The following ADAM12 variants were observed in gnomAD, a reference collection of about 807,000 sequenced individuals.
The protein encoded by ADAM12 is disintegrin and metalloproteinase domain-containing protein 12.
A neutral mutation model predicts 106.4 loss-of-function variants in ADAM12; 70 were observed. The ratio of observed to expected loss-of-function variants is 0.66; its 90% confidence interval spans 0.54 to 0.80. ADAM12 has a LOEUF of 0.80. Ranked by LOEUF, ADAM12 falls within the 30% of genes least tolerant of loss-of-function variation. The probability of loss-of-function intolerance (pLI) is 0.00; values close to 1 mark genes in which losing one functional copy is unlikely to be tolerated. For missense variants in ADAM12, 1,010 were observed against 1,171.9 expected (o/e 0.86, Z 2.02); for synonymous variants, 420 against 433.5 (o/e 0.97, Z 0.39).
intron 19 of ADAM12, 105 bp downstream of exon 19, chr10:126,039,189 C>T (rs1271963585): frequency 3.1e-5 from 43 of 1,371,462 alleles, no homozygotes; most frequent in Middle Eastern, 1.9e-4. Context: ...CCTCGTGATC[C>T]GCCCGCCTCA....
intron 4 of ADAM12, among the ~76,000 whole-genome samples, chr10:126,143,070 T>C (rs1165942822): frequency 2.0e-5 from 3 of 148,084 alleles, no homozygotes; most frequent in African/African-American, 7.4e-5. Context: ...CATGTGCATA[T>C]GTGTGCATGT....
intron 3 of ADAM12, among the ~76,000 whole-genome samples, chr10:126,170,641 C>T (rs866308559): frequency 1.6e-4 from 24 of 152,126 alleles, no homozygotes; most frequent in African/African-American, 4.8e-4. Context: ...AGAAAAGCAC[C>T]GTGTCTGGGA....
At chr10:126,321,695 G>A (rs1016571851) in intron 2 of ADAM12, among the ~76,000 whole-genome samples, 3 of 152,206 alleles carry the variant, frequency 2.0e-5, no homozygotes, top group African/African-American at 7.2e-5. Context: ...GAGAGCGCTG[G>A]CGAGTGCTCA....
At chr10:126,275,623 C>T (rs547352346) in intron 3 of ADAM12, among the ~76,000 whole-genome samples, 1 of 152,280 alleles carries the variant, frequency 6.6e-6, no homozygotes, top group African/African-American at 2.4e-5. Flanking sequence ...TTTTCAATTA[C>T]AGTAAACTTC....
At chr10:126,311,543 G>A (rs1314642190) in intron 2 of ADAM12, among the ~76,000 whole-genome samples, 1 of 152,058 alleles carries the variant, frequency 6.6e-6, no homozygotes, top group Admixed American at 6.6e-5. Flanking sequence ...CTGGATGGGG[G>A]CTGGTCACCA....
In ADAM12 at chr10:126,367,453, G is replaced by A. The variant is rs565451483; in HGVS notation, c.88+20605C>T. On this transcript the variant is annotated intron_variant, in intron 1 of 22. Coordinates refer to ENST00000448723, the MANE Select transcript of ADAM12 (RefSeq NM_001288973.2). ...GGGATATTTGTATTTCCAAATGGCT[G>A]TACTAGAAATTGAGAATGTTATGTT... is the stretch of plus-strand genomic sequence containing the variant. Among the ~76,000 whole-genome samples the A allele has an allele frequency of 4.6e-5, 7 of 151,940 alleles. No homozygotes were observed. In the East Asian group the frequency reaches 1.4e-3, roughly 29 times the overall value.
intron 3 of ADAM12, among the ~76,000 whole-genome samples, chr10:126,214,732 G>C (rs1444733455): frequency 6.6e-6 from 1 of 152,208 alleles, no homozygotes; most frequent in Non-Finnish European, 1.5e-5. Flanking sequence ...TTTGAGAAGA[G>C]TATCTATGAT....
At chr10:126,227,532 C>G (rs1428832204) in intron 3 of ADAM12, among the ~76,000 whole-genome samples, 1 of 152,172 alleles carries the variant, frequency 6.6e-6, no homozygotes, top group Non-Finnish European at 1.5e-5. Context: ...AGGTACGACA[C>G]ACAGGAGCTT....
At position 126,101,139 on chromosome 10, in the gene ADAM12, C is replaced by T; in HGVS notation, c.844G>A (p.Glu282Lys). 1 of 1,614,050 alleles carries T rather than the reference C, an allele frequency of 6.2e-7. No homozygotes were observed. Residue 282 changes from glutamate (E) to lysine (K), a missense_variant, in exon 9 of 23, where the codon GAA becomes AAA. Glu to Lys is a moderately conservative substitution (Grantham distance 56, BLOSUM62 1). Around this residue, in one of 3 missense-constraint regions of ADAM12, gnomAD observed 391 missense variants for 442.9 expected, o/e 0.88. Coordinates refer to ENST00000448723, the MANE Select transcript of ADAM12 (RefSeq NM_001288973.2). The stretch of plus-strand genomic sequence containing the variant: ...TTCATCTTCCTCCAGTCCAGAAATT[C>T]ATGGAGGCTGGTGAATGGGTCCTGA... Reference protein sequence around the residue: ...VSQDPFTSLHEFLDWRKMKLL... With the variant: ...VSQDPFTSLHKFLDWRKMKLL...
chr10:126,237,076 T>C (rs1958432830), intron 3 of ADAM12, among the ~76,000 whole-genome samples: 1 of 152,122 alleles, frequency 6.6e-6, no homozygotes, highest in Non-Finnish European at 1.5e-5. Context: ...TCCCCCCATT[T>C]CCCCAGATGC....
chr10:126,197,029 G>T (rs1345333714), intron 3 of ADAM12, among the ~76,000 whole-genome samples: 1 of 152,210 alleles, frequency 6.6e-6, no homozygotes, highest in Non-Finnish European at 1.5e-5. Flanking sequence ...TTTTGGGTAA[G>T]AGGGAGCTGC....
Position 126,242,819 on chromosome 10 carries a change from T to C in ADAM12, c.260+36096A>G, listed in dbSNP as rs568912291. Among the ~76,000 whole-genome samples the C allele has an allele frequency of 6.6e-5, 10 of 152,236 alleles. 1 individual carries two copies. In the South Asian group the frequency reaches 1.5e-3, roughly 22 times the overall value. Reference sequence around the variant, plus strand: ...TCTGCCTCCCAGCTCTGGGTTCACATGGTGAGACAGAGCTCTTGCTGGCTC... The same window carrying C: ...TCTGCCTCCCAGCTCTGGGTTCACACGGTGAGACAGAGCTCTTGCTGGCTC... On this transcript the variant is annotated intron_variant, in intron 3 of 22. Coordinates refer to ENST00000448723, the MANE Select transcript of ADAM12 (RefSeq NM_001288973.2).
At chr10:126,353,168 A>G (rs571722046) in intron 1 of ADAM12, among the ~76,000 whole-genome samples, 1 of 152,302 alleles carries the variant, frequency 6.6e-6, no homozygotes, top group South Asian at 2.1e-4. Context: ...ACACCCTATG[A>G]GTGGAGACTT....
chr10:126,046,825 AAAGAT>A (rs1424449246), intron 16 of ADAM12, among the ~76,000 whole-genome samples: 7 of 148,868 alleles, frequency 4.7e-5, no homozygotes, highest in Middle Eastern at 3.6e-3. Context: ...AAAAAAAAAA[AAAGAT>A]ATAGGGGAGG....
At chr10:126,050,107 G>A (rs1043680739) in intron 14 of ADAM12, among the ~76,000 whole-genome samples, 3 of 152,186 alleles carry the variant, frequency 2.0e-5, no homozygotes, top group Non-Finnish European at 4.4e-5. Flanking sequence ...GCCAGGGCAG[G>A]CTCCAAAGGA....
At chr10:126,279,734 AC>A (rs1180589002) in intron 2 of ADAM12, among the ~76,000 whole-genome samples, 237 of 12,206 alleles carry the variant, frequency 0.019, no homozygotes, top group East Asian at 0.17. Context: ...TCTCAAAAAA[AC>A]AAAAAAAGAA....
rs145944066 is a variant in ADAM12 at position 126,108,015 on chromosome 10, G to T, written c.741+578C>A. Among the ~76,000 whole-genome samples, 191 of 152,272 alleles carry T rather than the reference G, an allele frequency of 1.3e-3. 1 individual carries two copies. Among genetic ancestry groups the T allele is most frequent in the African/African-American group, 4.1e-3 (169 of 41,554 alleles). On this transcript the variant is annotated intron_variant, in intron 8 of 22. Transcript: ENST00000448723. ...CAGGAGTAGGACCTGGTTTGCAGGG[G>T]CTCCTCCAGCAAGGAAATCATCTTT...
At chr10:126,020,631 C>G (rs1374342332) in intron 21 of ADAM12, among the ~76,000 whole-genome samples, 5 of 152,112 alleles carry the variant, frequency 3.3e-5, no homozygotes, top group Non-Finnish European at 7.4e-5. Flanking sequence ...AAGTTCCCAG[C>G]ACACAGATAA....
At chr10:126,248,482 G>T (rs1038019594) in intron 3 of ADAM12, among the ~76,000 whole-genome samples, 14 of 152,094 alleles carry the variant, frequency 9.2e-5, no homozygotes, top group African/African-American at 3.4e-4. Flanking sequence ...TTTTGTTTTA[G>T]AGCTGATTGT....
Sources: gnomAD v4.1 joint callset for allele counts (sites outside exome capture counted in the v4.1 genomes callset) on GRCh38, gnomAD v4.1.1 for gene constraint, gnomAD v4.1.1 regional missense constraint, MANE v1.5 for transcripts, NCBI Gene and HGNC (gene_info 2026-07-23, HGNC 2026-07-21) for gene names.